The following LGR6 variants were observed in gnomAD, a reference collection of about 807,000 sequenced individuals.
The protein encoded by LGR6 is leucine rich repeat containing G protein-coupled receptor 6.
Under a neutral mutation model 69.4 loss-of-function variants are expected in LGR6, and 45 were observed. The ratio of observed to expected loss-of-function variants is 0.65; its 90% CI spans 0.51 to 0.83. LGR6 has a LOEUF of 0.83. Ranked by LOEUF, LGR6 falls within the 40% of genes least tolerant of loss-of-function variation. The pLI, the probability that LGR6 is intolerant of heterozygous loss-of-function variation, is 0.00. For synonymous variants in LGR6, 538 were observed against 555.0 expected (o/e 0.97, Z 0.43); for missense variants, 1,108 against 1,246.7 (o/e 0.89, Z 1.68).
chr1:202,272,839 G>A (rs1665216886), intron 4 of LGR6, among the ~76,000 whole-genome samples: 1 of 152,224 alleles, frequency 6.6e-6, no homozygotes, highest in African/African-American at 2.4e-5. Context: ...CACAGAATAA[G>A]TTTTCCCCTT....
intron 5 of LGR6, among the ~76,000 whole-genome samples, chr1:202,277,755 G>A (rs1179697105): frequency 6.7e-6 from 1 of 150,164 alleles, no homozygotes; most frequent in African/African-American, 2.4e-5. Context: ...AAATGATGTA[G>A]TGAAACTTAT....
chr1:202,194,056 G>A lies in LGR6; in HGVS notation c.67G>A (p.Gly23Ser). 4.3e-6 allele frequency: 6 copies of A among 1,395,554 alleles called. No homozygotes were observed. The highest frequency in any genetic ancestry group is 3.2e-5 in the South Asian group (2 of 62,898). 86.4% of individuals were successfully genotyped at this position (1,395,554 alleles called of 1,614,324 possible). The change falls in exon 1 of 18, where the codon GGC becomes AGC. Residue 23 changes from glycine to serine, a missense_variant. Transcript: ENST00000367278. Reference sequence around the variant, plus strand: ...CGCGCTGTGCGCTTCCCGGAGGGCCGGCGGCGCCCCCCAGCCCGGCCCGGG... The same window carrying A: ...CGCGCTGTGCGCTTCCCGGAGGGCCAGCGGCGCCCCCCAGCCCGGCCCGGG... ...CAALCASRRA[G>S]GAPQPGPGPT...
chr1:202,215,926 G>T (rs1012648197), intron 1 of LGR6, among the ~76,000 whole-genome samples: 1 of 152,272 alleles, frequency 6.6e-6, no homozygotes, highest in African/African-American at 2.4e-5. Flanking sequence ...GAGTCAAAAG[G>T]CCAAAGGGAT....
chr1:202,275,982 G>A (rs890277844), intron 4 of LGR6, among the ~76,000 whole-genome samples: 21 of 152,198 alleles, frequency 1.4e-4, no homozygotes, highest in African/African-American at 4.8e-4. Flanking sequence ...AACATATGGT[G>A]TAGAGGATCA....
intron 10 of LGR6, 34 bp downstream of exon 10, chr1:202,303,381 G>T: frequency 1.3e-6 from 2 of 1,548,670 alleles, no homozygotes; most frequent in African/African-American, 1.4e-5. Context: ...CTTATCTATC[G>T]CCCCAGCTTC....
chr1:202,271,494 G>C (rs1383988939), intron 4 of LGR6, among the ~76,000 whole-genome samples: 1 of 152,084 alleles, frequency 6.6e-6, no homozygotes, highest in African/African-American at 2.4e-5. Context: ...TGGGGGCAGG[G>C]AGCAGGTGTC....
At chr1:202,250,580 A>G (rs558578252) in intron 4 of LGR6, among the ~76,000 whole-genome samples, 2 of 151,594 alleles carry the variant, frequency 1.3e-5, no homozygotes, top group South Asian at 4.2e-4. Context: ...TAATTTTTGT[A>G]TTTTTAGTAG....
Position 202,261,059 on chromosome 1 carries a change from T to C in LGR6, c.429-15247T>C, listed in dbSNP as rs1248190104. Reference sequence around the variant, plus strand: ...AACATCTTAAATCTACACTATTCTTTCAGCTCTAATGTTTTCTTTTTATTA... The same window carrying C: ...AACATCTTAAATCTACACTATTCTTCCAGCTCTAATGTTTTCTTTTTATTA... On this transcript the variant is annotated intron_variant, in intron 4 of 17. Coordinates refer to ENST00000367278, the MANE Select transcript of LGR6 (RefSeq NM_001017403.2). 2.6e-5 allele frequency among the ~76,000 whole-genome samples: 4 copies of C among 152,234 alleles called. No individual in the cohort carries two copies. In the East Asian group the frequency reaches 7.7e-4, roughly 29 times the overall value.
chr1:202,211,446 C>A (rs1300035031), intron 1 of LGR6, among the ~76,000 whole-genome samples: 1 of 152,124 alleles, frequency 6.6e-6, no homozygotes, highest in African/African-American at 2.4e-5. Context: ...CTCTGCCTCC[C>A]AGCCCCCCAG....
intron 4 of LGR6, among the ~76,000 whole-genome samples, chr1:202,246,454 TC>T (rs1186593463): frequency 1.5e-5 from 2 of 130,010 alleles, no homozygotes; most frequent in African/African-American, 2.9e-5. Context: ...CATGCATCCA[TC>T]CCCCCATCTG....
At chr1:202,253,307 C>CT (rs200198062) in intron 4 of LGR6, among the ~76,000 whole-genome samples, 5,862 of 144,894 alleles carry the variant, frequency 0.04, 135 homozygotes, top group African/African-American at 0.063. Flanking sequence ...TCCTAATACT[C>CT]TTTTTTTTTT....
chr1:202,281,730 C>T (rs923191146), intron 6 of LGR6, among the ~76,000 whole-genome samples: 2 of 152,052 alleles, frequency 1.3e-5, no homozygotes, highest in Non-Finnish European at 2.9e-5. Flanking sequence ...GGGGGATGCT[C>T]ACAGTTTCTC....
At chr1:202,284,913 C>T (rs1238884662) in intron 6 of LGR6, among the ~76,000 whole-genome samples, 1 of 152,148 alleles carries the variant, frequency 6.6e-6, no homozygotes, top group African/African-American at 2.4e-5. Context: ...TATAACCTCA[C>T]TAAACAAATC....
intron 1 of LGR6, chr1:202,194,729 C>T: frequency 3.3e-6 from 1 of 306,088 alleles, no homozygotes; most frequent in Non-Finnish European, 6.5e-6. Context: ...TTCCTAGAAG[C>T]TGGGAGGGGG....
intron 6 of LGR6, among the ~76,000 whole-genome samples, chr1:202,291,926 A>G (rs1387091759): frequency 6.6e-6 from 1 of 152,242 alleles, no homozygotes; most frequent in Non-Finnish European, 1.5e-5. Context: ...GTTCCAAGAG[A>G]GTGAGTGAAT....
At chr1:202,222,239 C>A (rs1031467758) in intron 1 of LGR6, among the ~76,000 whole-genome samples, 4 of 152,248 alleles carry the variant, frequency 2.6e-5, no homozygotes, top group Non-Finnish European at 5.9e-5. Context: ...GCTCCCTCCA[C>A]CCCTGAACAG....
intron 3 of LGR6, 124 bp downstream of exon 3, chr1:202,228,131 T>A (rs541383121): frequency 3.2e-6 from 2 of 618,934 alleles, no homozygotes; most frequent in African/African-American, 3.7e-5. Context: ...ATCTTCACTT[T>A]CAGTTTCAAT....
At chr1:202,272,977 G>A (rs1299712537) in intron 4 of LGR6, among the ~76,000 whole-genome samples, 6 of 152,204 alleles carry the variant, frequency 3.9e-5, no homozygotes, top group African/African-American at 1.4e-4. Context: ...GAACAGGTGA[G>A]CAGGTTCTTA....
rs1654056602 is a variant in LGR6 at position 202,315,244 on chromosome 1, A to G, written c.1648+362A>G. Among the ~76,000 whole-genome samples, 5 of 152,186 alleles carry G rather than the reference A, an allele frequency of 3.3e-5. 1 individual carries two copies. In the South Asian group the frequency reaches 1.0e-3, roughly 32 times the overall value. The stretch of plus-strand genomic sequence containing the variant: ...TGAGTAATCCCTCAGTCTAAGACCC[A>G]TACCACAGAATCCTAGAGCCAGGTG... On this transcript the variant is annotated intron_variant, in intron 17 of 17. Transcript: ENST00000367278.
Sources: allele counts gnomAD v4.1 joint callset (sites outside exome capture counted in the v4.1 genomes callset), GRCh38; gene constraint gnomAD v4.1.1; transcripts MANE v1.5; gene names NCBI Gene and HGNC (gene_info 2026-07-23, HGNC 2026-07-21).